SLCO4A1: variants seen among roughly 807,000 people sequenced by gnomAD.
SLCO4A1 encodes the protein colon organic anion transporter.
Under a neutral mutation model 64.6 loss-of-function variants are expected in SLCO4A1, and 51 were observed. The observed-to-expected ratio is 0.79, with a 90% CI of 0.63 to 1.00. SLCO4A1 has a LOEUF of 1.00. Among genes scored for constraint, SLCO4A1 ranks in the 50% least tolerant of loss-of-function variants. The pLI is 0.00. For synonymous variants in SLCO4A1, 471 were observed against 444.9 expected (o/e 1.06, Z -0.74); for missense variants, 919 against 980.5 (o/e 0.94, Z 0.84).
At chr20:62,643,722 A>G (rs1980827097) in intron 1 of SLCO4A1, among the ~76,000 whole-genome samples, 1 of 152,234 alleles carries the variant, frequency 6.6e-6, no homozygotes, top group Admixed American at 6.5e-5. Context: ...TGGATCTCAG[A>G]GGACAGCTCC....
chr20:62,669,103 G>A (rs1386605146), intron 11 of SLCO4A1, 25 bp downstream of exon 11: 2 of 1,603,526 alleles, frequency 1.2e-6, no homozygotes, highest in South Asian at 2.2e-5. Context: ...GGAGGGGACA[G>A]AGGGTCTGCT....
chr20:62,658,827 G>A lies in SLCO4A1; in HGVS notation c.887+60G>A, dbSNP rs1984244158. 3.5e-6 allele frequency: 5 copies of A among 1,411,262 alleles called. No homozygotes were observed. In the Admixed American group the frequency reaches 5.9e-5, roughly 17 times the overall value. The allele number at this position is 1,411,262 out of a possible 1,614,324, so 87.4% of individuals were successfully genotyped here. A position where few individuals can be genotyped will look rare whatever the true frequency, so the allele number is the denominator to read the frequency against. ...GAGGCCCACGTGTCTCTGGAAGGGGGTTCAGAGTCAGCAGGGCCCACTCTG... is the reference window on the plus strand; with the variant it reads ...GAGGCCCACGTGTCTCTGGAAGGGGATTCAGAGTCAGCAGGGCCCACTCTG... On this transcript the variant is annotated intron_variant, in intron 3 of 11. Transcript: ENST00000217159.
At chr20:62,675,887 G>A (rs865924579), downstream of SLCO4A1, among the ~76,000 whole-genome samples, 13 of 152,210 alleles carry the variant, frequency 8.5e-5, no homozygotes, top group African/African-American at 3.1e-4. Context: ...CCGGCTGCCT[G>A]TGGGGAGGAG....
intron 1 of SLCO4A1, among the ~76,000 whole-genome samples, chr20:62,655,285 GCCCCGGGAAGGA>G (rs1348250859): frequency 1.8e-4 from 25 of 135,902 alleles, no homozygotes; most frequent in Non-Finnish European, 3.4e-4. Context: ...TATCACAGCA[GCCCCGGGAAGGA>G]CCCTCCCAGG....
chr20:62,672,974 G>A (rs745956262), downstream of SLCO4A1, among the ~76,000 whole-genome samples: 1 of 104,654 alleles, frequency 9.6e-6, no homozygotes. Flanking sequence ...AGTCTGCAGC[G>A]CCTGCCAGGA....
chr20:62,687,289 T>C (rs1988099368), downstream of SLCO4A1, among the ~76,000 whole-genome samples: 1 of 151,642 alleles, frequency 6.6e-6, no homozygotes, highest in Non-Finnish European at 1.5e-5. Flanking sequence ...TCCATGAAGT[T>C]GACCAAACGC....
At chr20:62,643,949 C>T (rs1980861412) in intron 1 of SLCO4A1, among the ~76,000 whole-genome samples, 1 of 152,190 alleles carries the variant, frequency 6.6e-6, no homozygotes, top group Admixed American at 6.5e-5. Context: ...TGACTCTAGG[C>T]CACACAGCTT....
chr20:62,684,400 A>G (rs998403935), intron 2 of SLCO4A1, among the ~76,000 whole-genome samples: 9 of 152,358 alleles, frequency 5.9e-5, no homozygotes, highest in African/African-American at 2.2e-4. Context: ...CCGAGGCACA[A>G]GGAGCTGATT....
At chr20:62,687,330 C>G (rs1475445409), downstream of SLCO4A1, among the ~76,000 whole-genome samples, 1 of 152,236 alleles carries the variant, frequency 6.6e-6, no homozygotes, top group Non-Finnish European at 1.5e-5. Context: ...AGTGGCCACC[C>G]TGGGGCGTCT....
Position 62,645,384 on chromosome 20 carries a change from C to A in SLCO4A1, c.-97+2831C>A, listed in dbSNP as rs1391798582. 6.6e-6 allele frequency among the ~76,000 whole-genome samples: 1 copy of A among 151,658 alleles called. No homozygotes were observed. Among genetic ancestry groups the A allele is most frequent in the Non-Finnish European group, 1.5e-5 (1 of 67,856 alleles). On this transcript the variant is annotated intron_variant, in intron 1 of 11. Coordinates refer to ENST00000217159, the MANE Select transcript of SLCO4A1 (RefSeq NM_016354.4). This position sits in a 1 kb window ranked among gnomAD's most constrained non-coding sequence, Gnocchi z 4.2. ...AGCAGACTGGGACTACAAAGAACAA[C>A]CTGGTCCTGGGGACCCTGCTGCCTT...
downstream of SLCO4A1, among the ~76,000 whole-genome samples, chr20:62,674,399 C>T (rs893033716): frequency 7.2e-5 from 11 of 152,150 alleles, no homozygotes; most frequent in African/African-American, 2.4e-4. Flanking sequence ...CCAAATGGAA[C>T]CCGGGGACCT....
At position 62,672,006 on chromosome 20, in the gene SLCO4A1, A is replaced by G. The variant is rs1385433993; in HGVS notation, c.*113A>G. On this transcript the variant is annotated 3_prime_UTR_variant, in exon 12 of 12. Transcript: ENST00000217159. ...ACTTCTATTTGACCTGCAACCTTCT[A>G]CTTAACCTGTGGTTTAAAGTCGGCT... is the stretch of plus-strand genomic sequence containing the variant. 8 of 1,588,428 alleles carry G rather than the reference A, an allele frequency of 5.0e-6. No homozygotes were observed. The highest frequency in any genetic ancestry group is 6.8e-6 in the Non-Finnish European group (8 of 1,173,940).
Position 62,671,964 on chromosome 20 carries a change from G to T in SLCO4A1, c.*71G>T. 6.2e-7 allele frequency: 1 copy of T among 1,600,096 alleles called. No homozygotes were observed. The highest frequency in any genetic ancestry group is 1.3e-5 in the African/African-American group (1 of 75,068). On this transcript the variant is annotated 3_prime_UTR_variant, in exon 12 of 12. Coordinates refer to ENST00000217159, the MANE Select transcript of SLCO4A1 (RefSeq NM_016354.4). ...TGATGACAGAACAGTGCCGTTGGGT[G>T]ATGCAATCACACGGGAACTTCTATT...
intron 6 of SLCO4A1, chr20:62,665,817 A>G (rs1401600768): frequency 5.5e-5 from 1 of 18,074 alleles, no homozygotes; most frequent in Non-Finnish European, 1.2e-4. Context: ...TCCCCTCCCC[A>G]CCTGTCCCCC....
chr20:62,683,299 C>T (rs1167314739), intron 2 of SLCO4A1, among the ~76,000 whole-genome samples: 5 of 152,058 alleles, frequency 3.3e-5, no homozygotes, highest in Non-Finnish European at 5.9e-5. Context: ...GCGGCCGTGA[C>T]GGAGCTCAGA....
downstream of SLCO4A1, among the ~76,000 whole-genome samples, chr20:62,687,704 T>TG (rs1988111546): frequency 6.6e-6 from 1 of 152,126 alleles, no homozygotes. Flanking sequence ...GCACGGGCTG[T>TG]GGGGGGCCGC....
downstream of SLCO4A1, among the ~76,000 whole-genome samples, chr20:62,687,462 T>A (rs1600705660): frequency 2.6e-5 from 4 of 152,346 alleles, no homozygotes; most frequent in South Asian, 8.3e-4. Context: ...AGGTGCGTCA[T>A]CCGGGCGGGA....
Position 62,661,041 on chromosome 20 carries a change from C to CCCCCCCCCCCCCCCCAAAA in SLCO4A1, c.1010-23_1010-22insCCCCCCCCCCCCCCCAAAA. 2.2e-5 allele frequency: 32 copies of CCCCCCCCCCCCCCCCAAAA among 1,424,116 alleles called. No individual in the cohort carries two copies. Among genetic ancestry groups the CCCCCCCCCCCCCCCCAAAA allele is most frequent in the Non-Finnish European group, 3.0e-5 (30 of 1,010,116 alleles). 88.2% of individuals were successfully genotyped at this position (1,424,116 alleles called of 1,614,324 possible). ...TCCGGGAGCCCCCAGCCCCCAGCCC[C>CCCCCCCCCCCCCCCCAAAA]AGCTCACTCTGTGCCCTTCCAGGCT... is the stretch of plus-strand genomic sequence containing the variant. On this transcript the variant is annotated intron_variant, in intron 4 of 11. Transcript: ENST00000217159. The surrounding 1 kb of genome is among the most constrained non-coding windows in gnomAD (Gnocchi z 5.2).
At chr20:62,667,691 G>A in intron 7 of SLCO4A1, 54 bp from the exon 8 acceptor site, 2 of 1,548,910 alleles carry the variant, frequency 1.3e-6, no homozygotes, top group Non-Finnish European at 1.8e-6. Flanking sequence ...TGCCTGCTGG[G>A]CGCCAGCATG....
Sources: allele counts gnomAD v4.1 joint callset (sites outside exome capture counted in the v4.1 genomes callset), GRCh38; gene constraint gnomAD v4.1.1; non-coding constraint Gnocchi (gnomAD v3.1); transcripts MANE v1.5; gene names NCBI Gene and HGNC (gene_info 2026-07-23, HGNC 2026-07-21).